The following GRK3 variants were observed in gnomAD, a reference collection of about 807,000 sequenced individuals.
GRK3 encodes G protein-coupled receptor kinase 3, also known as adrenergic, beta, receptor kinase 2.
Under a neutral mutation model 95.7 loss-of-function variants are expected in GRK3, and 54 were observed. The observed-to-expected ratio is 0.56, with a 90% CI of 0.45 to 0.71. The LOEUF (loss-of-function observed/expected upper bound fraction) is 0.71. GRK3 is among the 30% of genes least tolerant of loss of function. GRK3 has a pLI of 0.00. For missense variants in GRK3, 649 were observed against 851.2 expected (o/e 0.76, Z 2.96); for synonymous variants, 281 against 290.8 (o/e 0.97, Z 0.34).
At chr22:25,628,576 A>C (rs984936365) in intron 2 of GRK3, among the ~76,000 whole-genome samples, 1 of 152,334 alleles carries the variant, frequency 6.6e-6, no homozygotes, top group African/African-American at 2.4e-5. Context: ...TTTGGAAAAA[A>C]GGCTGATGTT....
intron 13 of GRK3, among the ~76,000 whole-genome samples, chr22:25,699,699 C>CT (rs532664312): frequency 0.016 from 2,016 of 129,162 alleles, 42 homozygotes; most frequent in African/African-American, 0.041. Flanking sequence ...CTTTTCTTTT[C>CT]TTTTTTTTTT....
chr22:25,638,524 T>C (rs1201858298), intron 2 of GRK3, among the ~76,000 whole-genome samples: 1 of 152,234 alleles, frequency 6.6e-6, no homozygotes, highest in East Asian at 1.9e-4. Flanking sequence ...GTCATAGTTC[T>C]GTACCTGGTG....
chr22:25,606,103 A>C (rs2084444235), intron 2 of GRK3, among the ~76,000 whole-genome samples: 1 of 152,130 alleles, frequency 6.6e-6, no homozygotes, highest in Admixed American at 6.5e-5. Flanking sequence ...GGAGACTCTG[A>C]CCTGAGCTCC....
chr22:25,633,511 A>G (rs2084678793), intron 2 of GRK3, among the ~76,000 whole-genome samples: 1 of 152,068 alleles, frequency 6.6e-6, no homozygotes, highest in South Asian at 2.1e-4. Flanking sequence ...TAGCATACAA[A>G]TCATGCACAT....
At chr22:25,708,071 A>C (rs1910541271) in intron 15 of GRK3, among the ~76,000 whole-genome samples, 1 of 152,048 alleles carries the variant, frequency 6.6e-6, no homozygotes, top group African/African-American at 2.4e-5. Flanking sequence ...CCCCATCTCT[A>C]CTAAATATAC....
intron 3 of GRK3, among the ~76,000 whole-genome samples, chr22:25,653,978 GC>G (rs1444592739): frequency 6.6e-6 from 1 of 152,108 alleles, no homozygotes; most frequent in Non-Finnish European, 1.5e-5. Context: ...TGAGCCACCG[GC>G]GCCCAGCCCA....
At chr22:25,716,344 C>G (rs2085384764) in intron 18 of GRK3, among the ~76,000 whole-genome samples, 3 of 152,170 alleles carry the variant, frequency 2.0e-5, no homozygotes, top group Admixed American at 2.0e-4. Flanking sequence ...GTGTTTGCCA[C>G]AGCAGATTTT....
intron 3 of GRK3, chr22:25,649,158 T>C (rs2084809732): frequency 3.6e-6 from 5 of 1,399,302 alleles, no homozygotes; most frequent in Non-Finnish European, 5.1e-6. Flanking sequence ...AAGACCAACA[T>C]TTGAATATGT....
chr22:25,655,305 G>A (rs1473393403), intron 3 of GRK3, among the ~76,000 whole-genome samples: 2 of 152,066 alleles, frequency 1.3e-5, no homozygotes, highest in African/African-American at 2.4e-5. Context: ...TACATAGAAT[G>A]TCTACGTTGG....
At chr22:25,595,844 G>A (rs1228848177) in intron 1 of GRK3, among the ~76,000 whole-genome samples, 1 of 152,156 alleles carries the variant, frequency 6.6e-6, no homozygotes, top group Non-Finnish European at 1.5e-5. Context: ...CTACTCAGGA[G>A]GCTGAGGTGG....
At chr22:25,703,382 G>C (rs565058939) in intron 13 of GRK3, 128 bp from the exon 14 acceptor site, 2 of 647,092 alleles carry the variant, frequency 3.1e-6, no homozygotes, top group South Asian at 2.3e-5. Flanking sequence ...AAATGTTTAC[G>C]GCTTTTGCAT....
At chr22:25,722,232 C>T (rs562015886) in intron 20 of GRK3, 57 bp from the exon 21 acceptor site, 22 of 1,593,954 alleles carry the variant, frequency 1.4e-5, no homozygotes, top group African/African-American at 5.4e-5. Context: ...GGGCAGCCTC[C>T]GCTGTTGGCA....
intron 1 of GRK3, among the ~76,000 whole-genome samples, chr22:25,590,701 G>A (rs1015730049): frequency 2.0e-5 from 3 of 152,146 alleles, no homozygotes; most frequent in Non-Finnish European, 4.4e-5. Flanking sequence ...GGCACCCACA[G>A]TCCCAGCTAC....
chr22:25,574,201 A>G (rs986088967), intron 1 of GRK3, among the ~76,000 whole-genome samples: 6 of 152,142 alleles, frequency 3.9e-5, no homozygotes, highest in African/African-American at 1.4e-4. Flanking sequence ...AAAAGTTTAA[A>G]TTAAAAATGA....
chr22:25,606,357 C>G (rs1029472929), intron 2 of GRK3, among the ~76,000 whole-genome samples: 1 of 152,218 alleles, frequency 6.6e-6, no homozygotes, highest in South Asian at 2.1e-4. Flanking sequence ...AGAGCGCACA[C>G]CACCATCTGT....
chr22:25,640,128 G>C (rs764725966), intron 2 of GRK3, among the ~76,000 whole-genome samples: 5 of 152,104 alleles, frequency 3.3e-5, no homozygotes, highest in Non-Finnish European at 7.4e-5. Context: ...TTTTCAATTT[G>C]AATAACTGTT....
At chr22:25,681,839 A>G (rs2085077103) in intron 9 of GRK3, among the ~76,000 whole-genome samples, 1 of 152,184 alleles carries the variant, frequency 6.6e-6, no homozygotes, top group African/African-American at 2.4e-5. Context: ...TCTACTTCTA[A>G]AAATCCACTT....
At chr22:25,630,443 T>C (rs2084656459) in intron 2 of GRK3, among the ~76,000 whole-genome samples, 1 of 152,208 alleles carries the variant, frequency 6.6e-6, no homozygotes, top group Admixed American at 6.5e-5. Flanking sequence ...CAGAGAACTG[T>C]GATAAATGAA....
chr22:25,716,152 AT>A lies in GRK3; in HGVS notation c.1654+1591del, dbSNP rs544233256. On this transcript the variant is annotated intron_variant, in intron 18 of 20. Transcript: ENST00000324198. Reference sequence around the variant, plus strand: ...CAGGCGCCCACCACCACGCCTGGCTATTTTTTTTTGTATTTTTAGTAGAGAT... The same window carrying A: ...CAGGCGCCCACCACCACGCCTGGCTATTTTTTTTGTATTTTTAGTAGAGAT... 5.1e-3 allele frequency among the ~76,000 whole-genome samples: 766 copies of A among 150,516 alleles called. 6 individuals carry two copies. Among genetic ancestry groups the A allele is most frequent in the African/African-American group, 0.018 (741 of 41,018 alleles).
Sources: gnomAD v4.1 joint callset for allele counts (sites outside exome capture counted in the v4.1 genomes callset) on GRCh38, gnomAD v4.1.1 for gene constraint, MANE v1.5 for transcripts, NCBI Gene and HGNC (gene_info 2026-07-23, HGNC 2026-07-21) for gene names.